The following SERAC1 variants were observed in gnomAD, a reference collection of about 807,000 sequenced individuals.
SERAC1 encodes the protein serine active site containing 1.
In SERAC1, 36 loss-of-function variants were observed where a neutral mutation model predicts 85.7. The ratio of observed to expected loss-of-function variants is 0.42; its 90% CI spans 0.32 to 0.55. The LOEUF (loss-of-function observed/expected upper bound fraction) is 0.55, where lower values mean the gene tolerates loss of function less well. SERAC1 is among the 20% of genes least tolerant of loss of function. The probability of loss-of-function intolerance (pLI) is 0.11; values close to 1 mark genes in which losing one functional copy is unlikely to be tolerated. For missense variants in SERAC1, 629 were observed against 796.2 expected (o/e 0.79, Z 2.53); for synonymous variants, 242 against 265.3 (o/e 0.91, Z 0.85).
intron 10 of SERAC1, among the ~76,000 whole-genome samples, chr6:158,125,624 G>A (rs888465131): frequency 2.6e-5 from 4 of 152,204 alleles, no homozygotes; most frequent in Non-Finnish European, 5.9e-5. Flanking sequence ...AGCTACTCGT[G>A]AGGCTAAGGT....
intron 4 of SERAC1, among the ~76,000 whole-genome samples, chr6:158,150,240 C>A (rs189794549): frequency 6.6e-6 from 1 of 152,208 alleles, no homozygotes. Flanking sequence ...TTAGTCTTCA[C>A]TTAATTTTAG....
chr6:158,147,760 C>T (rs1785102609), intron 5 of SERAC1, among the ~76,000 whole-genome samples: 2 of 100,268 alleles, frequency 2.0e-5, no homozygotes, highest in Non-Finnish European at 3.5e-5. Flanking sequence ...ACAGAGAAGG[C>T]TCTGTCTCAA....
At chr6:158,159,682 T>C (rs1202938074) in intron 1 of SERAC1, among the ~76,000 whole-genome samples, 4 of 150,808 alleles carry the variant, frequency 2.7e-5, no homozygotes, top group African/African-American at 2.4e-5. Context: ...TGGAGTGCAA[T>C]GGTGCAATCA....
At chr6:158,133,376 TA>T (rs1302746729) in intron 8 of SERAC1, among the ~76,000 whole-genome samples, 6 of 138,672 alleles carry the variant, frequency 4.3e-5, no homozygotes, top group African/African-American at 1.6e-4. Context: ...TCTCTGGTGT[TA>T]ATTTTTTTTT....
chr6:158,144,804 A>G (rs1785013988), intron 6 of SERAC1, among the ~76,000 whole-genome samples: 1 of 152,234 alleles, frequency 6.6e-6, no homozygotes, highest in Admixed American at 6.5e-5. Flanking sequence ...TGGTGATGAT[A>G]TGGTGCTTTG....
intron 6 of SERAC1, 150 bp from the exon 7 acceptor site, chr6:158,144,570 A>G: frequency 1.6e-6 from 1 of 637,588 alleles, no homozygotes; most frequent in East Asian, 2.8e-5. Flanking sequence ...CTACATTTAC[A>G]ACACCTATAA....
At chr6:158,134,992 C>A (rs1021918919) in intron 8 of SERAC1, among the ~76,000 whole-genome samples, 1 of 152,094 alleles carries the variant, frequency 6.6e-6, no homozygotes, top group East Asian at 1.9e-4. Context: ...CTGGGAAGGA[C>A]ACAAAATCAC....
chr6:158,159,184 A>G (rs1785425612), intron 1 of SERAC1: 1 of 151,988 alleles, frequency 6.6e-6, no homozygotes, highest in South Asian at 2.1e-4. Context: ...TAACTTCTTC[A>G]ATAATGCCTA....
chr6:158,120,298 G>GTAAA lies in SERAC1; in HGVS notation c.1166+123_1166+126dup, dbSNP rs1268905569. 1.1e-5 allele frequency: 11 copies of GTAAA among 981,828 alleles called. No individual in the cohort carries two copies. Among genetic ancestry groups the GTAAA allele is most frequent in the Non-Finnish European group, 1.3e-5 (9 of 699,790 alleles). 60.8% of individuals were successfully genotyped at this position (981,828 alleles called of 1,614,324 possible). ...TGGTTACTATAGACAAATTATTTTA[G>GTAAA]TAAATAAGATATTTGACTTATAAGT... On this transcript the variant is annotated intron_variant, in intron 11 of 16. Transcript: ENST00000647468. The surrounding 1 kb of genome is among the most constrained non-coding windows in gnomAD (Gnocchi z 4.4).
intron 3 of SERAC1, among the ~76,000 whole-genome samples, chr6:158,154,748 T>C (rs774782522): frequency 1.1e-4 from 16 of 152,192 alleles, no homozygotes; most frequent in Non-Finnish European, 1.8e-4. Flanking sequence ...GTTAAGGGAT[T>C]TTCCAAAATA....
intron 3 of SERAC1, among the ~76,000 whole-genome samples, chr6:158,154,583 TA>T (rs972444026): frequency 2.0e-5 from 3 of 151,654 alleles, no homozygotes; most frequent in Non-Finnish European, 4.4e-5. Flanking sequence ...TTCCTCCCCC[TA>T]AAAAAAAGTA....
At chr6:158,159,770 G>A (rs1176283242) in intron 1 of SERAC1, among the ~76,000 whole-genome samples, 4 of 151,748 alleles carry the variant, frequency 2.6e-5, no homozygotes, top group African/African-American at 7.3e-5. Flanking sequence ...GACTACAGGT[G>A]CCCACCACCA....
chr6:158,148,489 C>T (rs1298910902), intron 5 of SERAC1, among the ~76,000 whole-genome samples: 1 of 152,124 alleles, frequency 6.6e-6, no homozygotes, highest in Non-Finnish European at 1.5e-5. Flanking sequence ...GTCACCCAGG[C>T]TGGAGTGCAG....
chr6:158,149,769 C>T (rs976051498), intron 4 of SERAC1, among the ~76,000 whole-genome samples: 6 of 152,144 alleles, frequency 3.9e-5, no homozygotes, highest in South Asian at 2.1e-4. Flanking sequence ...CAGACACAGG[C>T]GAGCAGCAGA....
chr6:158,118,975 G>A, intron 12 of SERAC1, 54 bp downstream of exon 12: 1 of 1,563,522 alleles, frequency 6.4e-7, no homozygotes, highest in Admixed American at 1.9e-5. Context: ...CCACAATCAG[G>A]GCCCCAGCAA....
At chr6:158,142,956 G>T in intron 8 of SERAC1, 100 bp downstream of exon 8, 3 of 916,330 alleles carry the variant, frequency 3.3e-6, no homozygotes, top group Non-Finnish European at 5.1e-6. Context: ...CCAGAAGTTA[G>T]CATGTTTACT....
chr6:158,155,400 G>T, intron 2 of SERAC1, 49 bp from the exon 3 acceptor site: 1 of 1,145,166 alleles, frequency 8.7e-7, no homozygotes. Context: ...TTAAAAGTGT[G>T]AAAGGAAATA....
intron 15 of SERAC1, 155 bp downstream of exon 15, chr6:158,114,634 A>G (rs1456850086): frequency 3.6e-6 from 5 of 1,374,954 alleles, no homozygotes; most frequent in African/African-American, 1.5e-5. Flanking sequence ...ATCAAAGAAA[A>G]ATCAAGCCCA....
rs201851312 is a variant in SERAC1, at chr6:158,124,772, CACACACACACACACACAT to C, written c.1015+3318_1015+3335del. 7.2e-3 allele frequency among the ~76,000 whole-genome samples: 927 copies of C among 128,722 alleles called. 34 individuals are homozygous for C. In the East Asian group the frequency reaches 0.13, roughly 19 times the overall value. 84.4% of individuals were successfully genotyped at this position (128,722 alleles called of 152,430 possible). A position where few individuals can be genotyped will look rare whatever the true frequency, so the allele number is the denominator to read the frequency against. ...AAACACACACACACACACACACACA[CACACACACACACACACAT>C]ACACACTCAACAAAGAATACTTTAT... On this transcript the variant is annotated intron_variant, in intron 10 of 16. Coordinates refer to ENST00000647468, the MANE Select transcript of SERAC1 (RefSeq NM_032861.4).
Sources: allele counts gnomAD v4.1 joint callset (sites outside exome capture counted in the v4.1 genomes callset), GRCh38; gene constraint gnomAD v4.1.1; non-coding constraint Gnocchi (gnomAD v3.1); transcripts MANE v1.5; gene names NCBI Gene and HGNC (gene_info 2026-07-23, HGNC 2026-07-21).